Variants in DACH1 observed in about 807,000 individuals in gnomAD.
DACH1 encodes dachshund homolog 1.
A neutral mutation model predicts 54.2 loss-of-function variants in DACH1; 12 were observed. The ratio of observed to expected loss-of-function variants is 0.22; its 90% confidence interval spans 0.14 to 0.36. The LOEUF is 0.36. Among genes scored for constraint, DACH1 ranks in the 10% least tolerant of loss-of-function variants. DACH1 has a pLI of 1.00. For synonymous variants in DACH1, 386 were observed against 366.2 expected, an observed-to-expected ratio of 1.05 and a Z score of -0.62; for missense variants, 805 against 929.8, an observed-to-expected ratio of 0.87 and a Z score of 1.75.
At chr13:71,599,827 C>CTA (rs979906393) in intron 3 of DACH1, among the ~76,000 whole-genome samples, 9 of 46,824 alleles carry the variant, frequency 1.9e-4, no homozygotes, top group African/African-American at 7.7e-4. Flanking sequence ...AAACACATTT[C>CTA]TACACACACA....
intron 1 of DACH1, among the ~76,000 whole-genome samples, chr13:71,769,360 G>A (rs1280894153): frequency 6.6e-6 from 1 of 151,594 alleles, no homozygotes; most frequent in Non-Finnish European, 1.5e-5. Context: ...AGCCTATGAA[G>A]TGTTGCACTC....
At chr13:71,595,191 G>T (rs569879572) in intron 3 of DACH1, among the ~76,000 whole-genome samples, 406 of 152,210 alleles carry the variant, frequency 2.7e-3, no homozygotes, top group Non-Finnish European at 4.6e-3. Context: ...GCATTCCTGG[G>T]ATATTAGAGC....
chr13:71,629,811 A>G (rs1290752106), intron 3 of DACH1, among the ~76,000 whole-genome samples: 1 of 152,126 alleles, frequency 6.6e-6, no homozygotes, highest in African/African-American at 2.4e-5. Context: ...GAGAAACAAT[A>G]CAAGTGCAAT....
intron 6 of DACH1, among the ~76,000 whole-genome samples, chr13:71,536,091 C>T (rs1008074376): frequency 6.6e-6 from 1 of 151,870 alleles, no homozygotes; most frequent in African/African-American, 2.4e-5. Context: ...ATTTGTTCCT[C>T]CTAAACTTTA....
At chr13:71,453,764 T>C (rs1875292755) in intron 10 of DACH1, among the ~76,000 whole-genome samples, 1 of 152,186 alleles carries the variant, frequency 6.6e-6, no homozygotes, top group South Asian at 2.1e-4. Flanking sequence ...TGAGCTGAGA[T>C]TCTGACAGTG....
intron 6 of DACH1, among the ~76,000 whole-genome samples, chr13:71,537,598 A>G (rs1335879693): frequency 6.6e-6 from 1 of 152,128 alleles, no homozygotes; most frequent in African/African-American, 2.4e-5. Context: ...TGTCTATATG[A>G]TAACAATGTT....
intron 3 of DACH1, among the ~76,000 whole-genome samples, chr13:71,625,534 T>C (rs1208213013): frequency 6.6e-6 from 1 of 152,038 alleles, no homozygotes; most frequent in Non-Finnish European, 1.5e-5. Context: ...TGGCTTTTTT[T>C]CCCTTCATAT....
chr13:71,824,896 C>T (rs1313846995), intron 1 of DACH1, among the ~76,000 whole-genome samples: 2 of 151,974 alleles, frequency 1.3e-5, no homozygotes, highest in African/African-American at 4.8e-5. Flanking sequence ...ATTTCATAAA[C>T]ATGGGAATTT....
intron 10 of DACH1, among the ~76,000 whole-genome samples, chr13:71,466,495 T>C (rs1279448831): frequency 1.3e-5 from 2 of 152,162 alleles, no homozygotes; most frequent in African/African-American, 4.8e-5. Context: ...TAAAGTAATT[T>C]ATCTCCCGAA....
intron 1 of DACH1, among the ~76,000 whole-genome samples, chr13:71,713,954 T>C (rs2041845): frequency 0.05 from 7,625 of 152,068 alleles, 605 homozygotes; most frequent in African/African-American, 0.17. Context: ...TAAGAAAAAA[T>C]TAATAAAGAT....
At chr13:71,642,083 A>G (rs1361755143) in intron 2 of DACH1, among the ~76,000 whole-genome samples, 1 of 152,184 alleles carries the variant, frequency 6.6e-6, no homozygotes, top group Non-Finnish European at 1.5e-5. Context: ...GTTTCAAAAC[A>G]TTTGTAAGTC....
intron 6 of DACH1, among the ~76,000 whole-genome samples, chr13:71,497,453 T>A (rs1879530469): frequency 6.6e-6 from 1 of 151,930 alleles, no homozygotes; most frequent in Non-Finnish European, 1.5e-5. Context: ...TGCCTCAGCC[T>A]CCCGAGTAGC....
intron 1 of DACH1, among the ~76,000 whole-genome samples, chr13:71,823,836 A>G (rs1888284405): frequency 6.6e-6 from 1 of 151,984 alleles, no homozygotes; most frequent in South Asian, 2.1e-4. Context: ...ATTTGTCTTG[A>G]CGTTTTACTA....
chr13:71,820,428 C>G (rs1888142016), intron 1 of DACH1, among the ~76,000 whole-genome samples: 1 of 152,158 alleles, frequency 6.6e-6, no homozygotes, highest in Non-Finnish European at 1.5e-5. Context: ...GCCACAGAGT[C>G]TATCTAAAGC....
chr13:71,844,729 C>A, intron 1 of DACH1, among the ~76,000 whole-genome samples: 1 of 152,050 alleles, frequency 6.6e-6, no homozygotes, highest in Non-Finnish European at 1.5e-5. Context: ...TGGTGAAAAA[C>A]TGTTACTACC....
chr13:71,862,451 G>A (rs573703943), intron 1 of DACH1, among the ~76,000 whole-genome samples: 24 of 152,144 alleles, frequency 1.6e-4, no homozygotes, highest in South Asian at 4.1e-4. Flanking sequence ...AATAATTGGA[G>A]GAAGCTGATC....
At chr13:71,647,277 A>G (rs1878347877) in intron 2 of DACH1, among the ~76,000 whole-genome samples, 1 of 152,218 alleles carries the variant, frequency 6.6e-6, no homozygotes. Context: ...AAATCCTCAA[A>G]TTAAATAATA....
At chr13:71,555,538 T>C (rs529367902) in intron 6 of DACH1, among the ~76,000 whole-genome samples, 2 of 151,866 alleles carry the variant, frequency 1.3e-5, no homozygotes. Flanking sequence ...GAGACGGAGT[T>C]TCACCATATT....
At chr13:71,580,666 G>C (rs1872769393) in intron 3 of DACH1, among the ~76,000 whole-genome samples, 1 of 152,100 alleles carries the variant, frequency 6.6e-6, no homozygotes, top group Admixed American at 6.6e-5. Context: ...CAATTGTCTT[G>C]ATATTTTATA....
Sources: allele counts gnomAD v4.1 joint callset (sites outside exome capture counted in the v4.1 genomes callset), GRCh38; gene constraint gnomAD v4.1.1; transcripts MANE v1.5; gene names NCBI Gene and HGNC (gene_info 2026-07-23, HGNC 2026-07-21).